The following CCDC198 variants were observed in gnomAD, a reference collection of about 807,000 sequenced individuals.
CCDC198 encodes coiled-coil domain containing 198, also known as factor associated with metabolism and energy.
Under a neutral mutation model 35.6 loss-of-function variants are expected in CCDC198, and 18 were observed. The observed-to-expected ratio is 0.51, with a 90% CI of 0.35 to 0.75. The LOEUF is 0.75. Ranked by LOEUF, CCDC198 falls within the 30% of genes least tolerant of loss-of-function variation. The pLI, the probability that CCDC198 is intolerant of heterozygous loss-of-function variation, is 0.01. For missense variants in CCDC198, 365 were observed against 343.7 expected, an observed-to-expected ratio of 1.06 and a Z score of -0.49; for synonymous variants, 119 against 113.4, an observed-to-expected ratio of 1.05 and a Z score of -0.31.
intron 1 of CCDC198, among the ~76,000 whole-genome samples, chr14:57,492,877 A>C (rs1226495529): frequency 6.6e-6 from 1 of 152,160 alleles, no homozygotes. Context: ...AAAATATCCC[A>C]GGATTTATGG....
intron 2 of CCDC198, among the ~76,000 whole-genome samples, chr14:57,489,335 G>A (rs975640293): frequency 2.0e-4 from 30 of 152,096 alleles, no homozygotes; most frequent in African/African-American, 7.2e-4. Flanking sequence ...GAGAACATAT[G>A]GACACAGGGA....
At chr14:57,476,026 C>T (rs140254797) in intron 5 of CCDC198, among the ~76,000 whole-genome samples, 1,789 of 152,048 alleles carry the variant, frequency 0.012, 33 homozygotes, top group African/African-American at 0.041. Flanking sequence ...TGGTCTCGAG[C>T]TCCTGACCTC....
chr14:57,475,399 C>A (rs1286860004), intron 5 of CCDC198: 14 of 1,053,042 alleles, frequency 1.3e-5, no homozygotes, highest in Admixed American at 5.1e-5. Flanking sequence ...ATAATGGATT[C>A]AAAGTGACAC....
Position 57,481,661 on chromosome 14 carries a change from CT to C in CCDC198, c.394-2del. Reference sequence around the variant, plus strand: ...TTTGCATTTTCTTTTCTAGTACCTGCTATGAAAGACAACACACTTGTTAGTA... The same window carrying C: ...TTTGCATTTTCTTTTCTAGTACCTGCATGAAAGACAACACACTTGTTAGTA... On this transcript the variant is annotated splice_acceptor_variant, in intron 3 of 5. Transcript: ENST00000216445. LOFTEE classifies it high-confidence loss of function. 1 of 1,576,294 alleles carries C rather than the reference CT, an allele frequency of 6.3e-7. No individual in the cohort carries two copies. The highest frequency in any genetic ancestry group is 8.7e-7 in the Non-Finnish European group (1 of 1,148,136).
intron 5 of CCDC198, chr14:57,478,850 A>G (rs1324615350): frequency 2.6e-6 from 3 of 1,145,522 alleles, no homozygotes; most frequent in Admixed American, 3.5e-5. Context: ...AAGTAGGAGC[A>G]GTGTCTCTTT....
chr14:57,471,207 A>C lies in CCDC198; in HGVS notation c.*148T>G, dbSNP rs576063853. ...CAATAGTTAACAGCACATGTGACGG[A>C]CTTGTTAATCATAAGACTCTAAAGA... On this transcript the variant is annotated 3_prime_UTR_variant, in exon 6 of 6. Transcript: ENST00000216445. 2.4e-5 allele frequency: 15 copies of C among 615,582 alleles called. No individual in the cohort carries two copies. In the East Asian group the frequency reaches 4.1e-4, roughly 17 times the overall value. The allele number at this position is 615,582 out of a possible 1,614,324, so 38.1% of individuals were successfully genotyped here. A position where few individuals can be genotyped will look rare whatever the true frequency, so the allele number is the denominator to read the frequency against.
intron 2 of CCDC198, among the ~76,000 whole-genome samples, chr14:57,486,474 A>T (rs77862977): frequency 1.5e-5 from 2 of 135,826 alleles, no homozygotes; most frequent in African/African-American, 3.0e-5. Context: ...TTCCGGGATT[A>T]AAAAAAAAAA....
intron 1 of CCDC198, 32 bp from the exon 2 acceptor site, chr14:57,491,103 AC>A: frequency 6.3e-7 from 1 of 1,598,208 alleles, no homozygotes; most frequent in Non-Finnish European, 8.6e-7. Flanking sequence ...CAGGAATAAA[AC>A]ATTAAATATA....
intron 5 of CCDC198, chr14:57,475,764 A>G: frequency 2.8e-6 from 1 of 361,400 alleles, no homozygotes; most frequent in Non-Finnish European, 5.2e-6. Context: ...CTATATTCCC[A>G]TACATTTGTA....
In CCDC198 at chr14:57,481,675, A is replaced by G. The variant is rs1401202607; in HGVS notation, c.394-15T>C. 1.3e-6 allele frequency: 2 copies of G among 1,509,468 alleles called. No homozygotes were observed. Among genetic ancestry groups the G allele is most frequent in the Non-Finnish European group, 1.8e-6 (2 of 1,088,994 alleles). 93.5% of individuals were successfully genotyped at this position (1,509,468 alleles called of 1,614,324 possible). On this transcript the variant is annotated splice_polypyrimidine_tract_variant and intron_variant, in intron 3 of 5. Transcript: ENST00000216445. ...TCTAGTACCTGCTATGAAAGACAACACACTTGTTAGTATGGGGTAATTTGT... is the reference window on the plus strand; with the variant it reads ...TCTAGTACCTGCTATGAAAGACAACGCACTTGTTAGTATGGGGTAATTTGT...
rs567767908 is a variant in CCDC198 at position 57,470,088 on chromosome 14, C to G, written c.*1267G>C. The G allele has an allele frequency of 1.3e-5, 2 of 152,236 alleles. No homozygotes were observed. Among genetic ancestry groups the G allele is most frequent in the African/African-American group, 4.8e-5 (2 of 41,534 alleles). 9.4% of individuals were successfully genotyped at this position (152,236 alleles called of 1,614,324 possible). On this transcript the variant is annotated 3_prime_UTR_variant, in exon 6 of 6. Transcript: ENST00000216445. The stretch of plus-strand genomic sequence containing the variant: ...TAGAATTGAACATTTATAAGATTCG[C>G]TTTATGTTTTAAGGAGCTCTAAAAT...
rs773787829 is a variant in CCDC198, at chr14:57,491,158, A to G, written c.224-87T>C. 223 of 1,373,138 alleles carry G rather than the reference A, an allele frequency of 1.6e-4. 1 individual carries two copies. The highest frequency in any genetic ancestry group is 4.9e-4 in the South Asian group (39 of 78,982). The allele number at this position is 1,373,138 out of a possible 1,614,324, so 85.1% of individuals were successfully genotyped here. On this transcript the variant is annotated intron_variant, in intron 1 of 5. Transcript: ENST00000216445. ...CAATCATTAGTTACTAGACTTTGTC[A>G]ACACAATTTTGTACCTTTTCAGTTA...
intron 5 of CCDC198, among the ~76,000 whole-genome samples, chr14:57,476,534 T>C (rs2067003132): frequency 6.6e-6 from 1 of 152,332 alleles, no homozygotes; most frequent in East Asian, 1.9e-4. Context: ...TGACATTCAC[T>C]ATGTGTACAT....
At chr14:57,491,172 C>A (rs2067554409) in intron 1 of CCDC198, 101 bp from the exon 2 acceptor site, 8 of 1,206,758 alleles carry the variant, frequency 6.6e-6, no homozygotes, top group Admixed American at 2.0e-5. Flanking sequence ...CAATTTTGTA[C>A]CTTTTCAGTT....
chr14:57,481,372 T>C (rs1217381609), intron 4 of CCDC198, among the ~76,000 whole-genome samples, 187 bp downstream of exon 4: 2 of 152,326 alleles, frequency 1.3e-5, no homozygotes, highest in Middle Eastern at 3.4e-3. Context: ...TAGAAAAGAC[T>C]CAACAAGGTT....
At chr14:57,486,102 TGGGA>T (rs1377743214) in intron 2 of CCDC198, among the ~76,000 whole-genome samples, 4 of 152,014 alleles carry the variant, frequency 2.6e-5, no homozygotes, top group Non-Finnish European at 5.9e-5. Flanking sequence ...AAGGCACCTA[TGGGA>T]GGAAGAATCA....
At chr14:57,481,530 G>T in intron 4 of CCDC198, 29 bp downstream of exon 4, 3 of 1,479,618 alleles carry the variant, frequency 2.0e-6, no homozygotes, top group South Asian at 2.3e-5. Context: ...ATGAAAATTT[G>T]GTAAATATGA....
At chr14:57,476,401 A>G (rs945896993) in intron 5 of CCDC198, among the ~76,000 whole-genome samples, 1 of 152,118 alleles carries the variant, frequency 6.6e-6, no homozygotes, top group African/African-American at 2.4e-5. Context: ...GGACTCAGGG[A>G]AGGGCTTTGA....
In CCDC198 at chr14:57,480,738, T is replaced by G; in HGVS notation, c.512A>C (p.Lys171Thr). 1 of 1,614,016 alleles carries G rather than the reference T, an allele frequency of 6.2e-7. No individual in the cohort carries two copies. The highest frequency in any genetic ancestry group is 1.1e-5 in the South Asian group (1 of 91,048). ...RKRQEAQMEL[K>T]KSLHGEARIN... is the part of the protein sequence containing the mutation. ...TCTTGCCTCTCCATGAAGACTTTTC[T>G]TTAACTCCATTTGGGCCTGAAAATC... Residue 171 changes from lysine to threonine, a missense_variant, in exon 5 of 6, where the codon AAG becomes ACG. By Grantham distance (78) the Lys-to-Thr change is moderately conservative. Transcript: ENST00000216445.
Sources: gnomAD v4.1 joint callset for allele counts (sites outside exome capture counted in the v4.1 genomes callset) on GRCh38, gnomAD v4.1.1 for gene constraint, MANE v1.5 for transcripts, NCBI Gene and HGNC (gene_info 2026-07-23, HGNC 2026-07-21) for gene names.